The following RAPGEF1 variants were observed in gnomAD, a reference collection of about 807,000 sequenced individuals.
RAPGEF1 encodes CRK SH3-binding GNRP.
Under a neutral mutation model 143.3 loss-of-function variants are expected in RAPGEF1, and 33 were observed. The ratio of observed to expected loss-of-function variants is 0.23; its 90% CI spans 0.17 to 0.31. The LOEUF (loss-of-function observed/expected upper bound fraction) is 0.31. Among genes scored for constraint, RAPGEF1 ranks in the 10% least tolerant of loss-of-function variants. The pLI is 1.00. For missense variants in RAPGEF1, 1,199 were observed against 1,645.4 expected, an observed-to-expected ratio of 0.73 and a Z score of 4.69; for synonymous variants, 629 against 676.5, an observed-to-expected ratio of 0.93 and a Z score of 1.09.
At chr9:131,690,510 C>T (rs556339853) in intron 1 of RAPGEF1, among the ~76,000 whole-genome samples, 3 of 152,044 alleles carry the variant, frequency 2.0e-5, no homozygotes, top group Non-Finnish European at 4.4e-5. Context: ...CAAAAGTACA[C>T]TGATGGGTCA....
chr9:131,714,109 T>C (rs1835695476), intron 1 of RAPGEF1, among the ~76,000 whole-genome samples: 1 of 152,070 alleles, frequency 6.6e-6, no homozygotes, highest in Non-Finnish European at 1.5e-5. Flanking sequence ...CTCAAACTCC[T>C]AGGCTCAAGT....
chr9:131,608,155 C>G (rs555671138), intron 12 of RAPGEF1, among the ~76,000 whole-genome samples: 2 of 152,210 alleles, frequency 1.3e-5, no homozygotes, highest in Admixed American at 6.5e-5. Flanking sequence ...TAGCCCCTCC[C>G]CCATAAGGTT....
chr9:131,638,583 G>A, intron 5 of RAPGEF1, 52 bp downstream of exon 5: 3 of 1,596,556 alleles, frequency 1.9e-6, no homozygotes, highest in Non-Finnish European at 2.6e-6. Context: ...AGCACCAGCA[G>A]GCAGGCTGCT....
At chr9:131,681,717 C>T (rs1435008357) in intron 1 of RAPGEF1, among the ~76,000 whole-genome samples, 1 of 152,090 alleles carries the variant, frequency 6.6e-6, no homozygotes, top group Non-Finnish European at 1.5e-5. Flanking sequence ...GGCGGCTGGG[C>T]TGCTTTAGAT....
At chr9:131,682,664 C>T (rs905307063) in intron 1 of RAPGEF1, among the ~76,000 whole-genome samples, 13 of 152,000 alleles carry the variant, frequency 8.6e-5, no homozygotes, top group African/African-American at 2.9e-4. Context: ...CTGATTGTGC[C>T]GTATGGGGGA....
In RAPGEF1 at chr9:131,726,596, A is replaced by T. The variant is rs892979801; in HGVS notation, c.61+13174T>A. Among the ~76,000 whole-genome samples, 13 of 80,458 alleles carry T rather than the reference A, an allele frequency of 1.6e-4. 1 individual carries two copies. The highest frequency in any genetic ancestry group is 1.5e-3 in the Admixed American group (11 of 7,352). The allele number at this position is 80,458 out of a possible 152,430, so 52.8% of individuals were successfully genotyped here. A position where few individuals can be genotyped will look rare whatever the true frequency, so the allele number is the denominator to read the frequency against. On this transcript the variant is annotated intron_variant, in intron 1 of 26. Coordinates refer to ENST00000683357, the MANE Select transcript of RAPGEF1 (RefSeq NM_001377935.1). ...AGCTGAGACGGCACTGCTGCACTCC[A>T]GCCTGGGGGACAGAGCGAGACTCTG...
intron 1 of RAPGEF1, among the ~76,000 whole-genome samples, chr9:131,730,347 T>C (rs62583109): frequency 0.21 from 32,186 of 151,748 alleles, 4,160 homozygotes; most frequent in Non-Finnish European, 0.29. Flanking sequence ...AAAACAAGCC[T>C]CAATAAGTCC....
intron 1 of RAPGEF1, among the ~76,000 whole-genome samples, chr9:131,725,797 C>T (rs1222839414): frequency 7.1e-6 from 1 of 141,394 alleles, no homozygotes; most frequent in Non-Finnish European, 1.5e-5. Context: ...CTTGCTCTGT[C>T]ACCCAGGCTG....
intron 3 of RAPGEF1, among the ~76,000 whole-genome samples, chr9:131,645,672 T>C (rs1294154909): frequency 2.0e-5 from 3 of 152,256 alleles, no homozygotes; most frequent in Non-Finnish European, 4.4e-5. Flanking sequence ...CACAGCCACA[T>C]CCAGCACTGG....
At position 131,621,846 on chromosome 9, in the gene RAPGEF1, C is replaced by T. The variant is rs376953220; in HGVS notation, c.1855G>A (p.Val619Met). Residue 619 changes from valine (V) to methionine (M), a missense_variant, in exon 11 of 27, where the codon GTG becomes ATG. Transcript: ENST00000683357. The surrounding 1 kb of genome is among the most constrained non-coding windows in gnomAD (Gnocchi z 4.5). ...FSDSFSGVDS[V>M]QELAPPPALP... ...GCGGGCGGCGGGGCCAGCTCCTGCA[C>T]GGAGTCCACCCCACTGAAGGAGTCG... 2.2e-5 allele frequency: 35 copies of T among 1,611,340 alleles called. 1 individual carries two copies. Among genetic ancestry groups the T allele is most frequent in the African/African-American group, 1.5e-4 (11 of 74,970 alleles).
At chr9:131,623,949 C>T (rs146663326) in intron 10 of RAPGEF1, among the ~76,000 whole-genome samples, 162 of 152,264 alleles carry the variant, frequency 1.1e-3, no homozygotes, top group African/African-American at 3.6e-3. Flanking sequence ...AGGGTCCCCT[C>T]GGGGAGTGAA....
intron 3 of RAPGEF1, among the ~76,000 whole-genome samples, chr9:131,645,573 T>A (rs973418958): frequency 5.9e-5 from 9 of 152,252 alleles, no homozygotes; most frequent in African/African-American, 2.2e-4. Context: ...CCAGAATTAA[T>A]GGCCTCTGGG....
chr9:131,599,596 T>G (rs1301136950), intron 15 of RAPGEF1, among the ~76,000 whole-genome samples: 2 of 152,014 alleles, frequency 1.3e-5, no homozygotes, highest in Non-Finnish European at 2.9e-5. Flanking sequence ...GAGCCTAAGT[T>G]GCCGGCTGAA....
At chr9:131,659,403 G>C (rs1379777830) in intron 1 of RAPGEF1, among the ~76,000 whole-genome samples, 1 of 152,070 alleles carries the variant, frequency 6.6e-6, no homozygotes, top group Admixed American at 6.6e-5. Flanking sequence ...ATTTTTGGTA[G>C]AGACAGGGTT....
chr9:131,586,525 A>AACACACAC (rs57523580), intron 22 of RAPGEF1, among the ~76,000 whole-genome samples: 1 of 5,902 alleles, frequency 1.7e-4, no homozygotes, highest in African/African-American at 1.4e-3. Context: ...GACTCCGTCA[A>AACACACAC]ACACACACAC....
chr9:131,582,064 G>A (rs922954795), intron 25 of RAPGEF1, among the ~76,000 whole-genome samples: 1 of 152,172 alleles, frequency 6.6e-6, no homozygotes. Context: ...GTTTGGTTTT[G>A]GTTATTCCGC....
At position 131,650,212 on chromosome 9, in the gene RAPGEF1, A is replaced by T; in HGVS notation, c.232T>A (p.Tyr78Asn). 1 of 1,613,806 alleles carries T rather than the reference A, an allele frequency of 6.2e-7. No individual in the cohort carries two copies. The highest frequency in any genetic ancestry group is 8.5e-7 in the Non-Finnish European group (1 of 1,179,752). ...EATDRFLPEG[Y>N]PLPLDLEQQA... is the part of the protein sequence containing the mutation. ...TGCTCCAGATCCAAGGGGAGAGGGT[A>T]GCCCTCTGGTAGAAATCTGTCTGTT... The change falls in exon 3 of 27, where the codon TAC becomes AAC. Residue 78 changes from tyrosine to asparagine, a missense_variant. Coordinates refer to ENST00000683357, the MANE Select transcript of RAPGEF1 (RefSeq NM_001377935.1). The surrounding 1 kb of genome is among the most constrained non-coding windows in gnomAD (Gnocchi z 4.7).
chr9:131,684,598 G>A (rs1470247301), intron 1 of RAPGEF1, among the ~76,000 whole-genome samples: 1 of 152,172 alleles, frequency 6.6e-6, no homozygotes, highest in East Asian at 1.9e-4. Flanking sequence ...TAAATTTTTT[G>A]AGCCTGCCCA....
chr9:131,597,948 T>G (rs1955582472), intron 16 of RAPGEF1, among the ~76,000 whole-genome samples: 1 of 152,184 alleles, frequency 6.6e-6, no homozygotes, highest in African/African-American at 2.4e-5. Flanking sequence ...TCTGGCATCT[T>G]TAGCTAGAGA....
Sources: allele counts gnomAD v4.1 joint callset (sites outside exome capture counted in the v4.1 genomes callset), GRCh38; gene constraint gnomAD v4.1.1; non-coding constraint Gnocchi (gnomAD v3.1); transcripts MANE v1.5; gene names NCBI Gene and HGNC (gene_info 2026-07-23, HGNC 2026-07-21).